Variants in CELF6 observed in about 807,000 individuals in gnomAD.
The protein encoded by CELF6 is Bruno -like 6, RNA binding protein.
In CELF6, 32 loss-of-function variants were observed where a neutral mutation model predicts 53.1. The ratio of observed to expected loss-of-function variants is 0.60; its 90% CI spans 0.46 to 0.81. CELF6 has a LOEUF of 0.81. Ranked by LOEUF, CELF6 falls within the 30% of genes least tolerant of loss-of-function variation. The probability of loss-of-function intolerance (pLI) is 0.00; values close to 1 mark genes in which losing one functional copy is unlikely to be tolerated. For synonymous variants in CELF6, 291 were observed against 288.8 expected (o/e 1.01, Z -0.08); for missense variants, 539 against 669.5 (o/e 0.81, Z 2.15).
intron 3 of CELF6, among the ~76,000 whole-genome samples, chr15:72,297,308 G>A (rs73438493): frequency 0.023 from 3,533 of 151,920 alleles, 135 homozygotes; most frequent in African/African-American, 0.082. Flanking sequence ...CCCCCCTGCC[G>A]CCCCTAACTT....
chr15:72,306,353 C>T (rs1431224235), intron 2 of CELF6: 8 of 952,206 alleles, frequency 8.4e-6, no homozygotes, highest in African/African-American at 1.8e-5. Flanking sequence ...CTGACCCCCT[C>T]CCCTCAGGAA....
rs1206708759 is a variant in CELF6, at chr15:72,285,514, T to C, written c.*857A>G. 3 of 152,244 alleles carry C rather than the reference T, an allele frequency of 2.0e-5. No homozygotes were observed. Among genetic ancestry groups the C allele is most frequent in the African/African-American group, 4.8e-5 (2 of 41,456 alleles). The allele number at this position is 152,244 out of a possible 1,614,324, so 9.4% of individuals were successfully genotyped here. ...AAGGCAGGGCCTCTGTCTACCTGGA[T>C]TGGCAAGGGAAAGGCTCAGGTGGCC... On this transcript the variant is annotated 3_prime_UTR_variant, in exon 13 of 13. Coordinates refer to ENST00000287202, the MANE Select transcript of CELF6 (RefSeq NM_052840.5).
chr15:72,306,554 T>TGA (rs1210638990), intron 2 of CELF6, among the ~76,000 whole-genome samples: 4 of 79,076 alleles, frequency 5.1e-5, no homozygotes, highest in Admixed American at 1.3e-4. Flanking sequence ...GAGGGCTTAC[T>TGA]AAAAAAAAAA....
intron 2 of CELF6, among the ~76,000 whole-genome samples, chr15:72,313,075 T>G (rs1375193195): frequency 2.0e-5 from 3 of 152,088 alleles, no homozygotes; most frequent in Admixed American, 6.6e-5. Flanking sequence ...GATGAAACAG[T>G]GAGAGGGGGA....
chr15:72,311,466 G>C (rs1375379135), intron 2 of CELF6, among the ~76,000 whole-genome samples: 1 of 150,250 alleles, frequency 6.7e-6, no homozygotes, highest in South Asian at 2.1e-4. Context: ...GCAGCGATGC[G>C]ATCTTGGCTC....
At position 72,290,233 on chromosome 15, in the gene CELF6, C is replaced by G. The variant is rs146928966; in HGVS notation, c.417G>C (p.Gly139=). ...CCTCACCCTGCTGCTTGCCCAGCATCCCCACAAACAGCTTTCGGTCCTCTG... is the reference window on the plus strand; with the variant it reads ...CCTCACCCTGCTGCTTGCCCAGCATGCCCACAAACAGCTTTCGGTCCTCTG... ...GRGEDRKLFV[G]MLGKQQGEED... Residue 139 remains glycine, a synonymous_variant, in exon 4 of 13, where the codon GGG becomes GGC. Coordinates refer to ENST00000287202, the MANE Select transcript of CELF6 (RefSeq NM_052840.5). 6.2e-7 allele frequency: 1 copy of G among 1,613,630 alleles called. No individual in the cohort carries two copies. Among genetic ancestry groups the G allele is most frequent in the Non-Finnish European group, 8.5e-7 (1 of 1,179,862 alleles).
At chr15:72,308,055 C>A (rs1281141276) in intron 2 of CELF6, among the ~76,000 whole-genome samples, 1 of 152,114 alleles carries the variant, frequency 6.6e-6, no homozygotes, top group Non-Finnish European at 1.5e-5. Flanking sequence ...TGCTTCCTAG[C>A]AGATAGATGT....
At chr15:72,314,600 T>G (rs950476828) in intron 2 of CELF6, among the ~76,000 whole-genome samples, 3 of 143,638 alleles carry the variant, frequency 2.1e-5, no homozygotes, top group African/African-American at 8.3e-5. Context: ...TTTTTTTTTT[T>G]TTTTTTTTTT....
At chr15:72,314,726 C>G (rs560188750) in intron 2 of CELF6, among the ~76,000 whole-genome samples, 40 of 151,578 alleles carry the variant, frequency 2.6e-4, no homozygotes, top group African/African-American at 9.2e-4. Context: ...TTCCAAGTAG[C>G]TGGGACTACA....
intron 3 of CELF6, chr15:72,292,347 G>A (rs1289908684): frequency 8.3e-6 from 8 of 966,368 alleles, no homozygotes; most frequent in South Asian, 1.6e-5. Flanking sequence ...GGGCTCATTT[G>A]GCCAGAGAAT....
rs539392168 is a variant in CELF6 at position 72,288,118 on chromosome 15, G to A, written c.1318+190C>T. ...CTCCCAAAGTGCTAGGATTACAGGCGTGAGCCACCATGCCCGGCCAAGGCT... is the reference window on the plus strand; with the variant it reads ...CTCCCAAAGTGCTAGGATTACAGGCATGAGCCACCATGCCCGGCCAAGGCT... On this transcript the variant is annotated intron_variant, in intron 11 of 12. Transcript: ENST00000287202. The surrounding 1 kb of genome is among the most constrained non-coding windows in gnomAD (Gnocchi z 4.6). Among the ~76,000 whole-genome samples the A allele has an allele frequency of 5.9e-5, 9 of 152,316 alleles. No individual in the cohort carries two copies. Among genetic ancestry groups the A allele is most frequent in the East Asian group, 5.8e-4 (3 of 5,176 alleles).
At chr15:72,296,145 A>G (rs1238167346) in intron 3 of CELF6, among the ~76,000 whole-genome samples, 1 of 152,218 alleles carries the variant, frequency 6.6e-6, no homozygotes, top group Non-Finnish European at 1.5e-5. Context: ...CAGTCTTTTC[A>G]ACAAATGGGG....
intron 2 of CELF6, among the ~76,000 whole-genome samples, chr15:72,306,757 G>T (rs1436042662): frequency 6.6e-6 from 1 of 151,770 alleles, no homozygotes; most frequent in African/African-American, 2.4e-5. Context: ...ATCAGGGCGA[G>T]CTTGACAGGT....
At chr15:72,316,184 G>A (rs977058835) in intron 1 of CELF6, among the ~76,000 whole-genome samples, 14 of 152,086 alleles carry the variant, frequency 9.2e-5, no homozygotes, top group African/African-American at 3.1e-4. Context: ...CCAGTCACAT[G>A]TGCATACAAT....
intron 3 of CELF6, 141 bp from the exon 4 acceptor site, chr15:72,290,396 G>T: frequency 1.0e-6 from 1 of 1,003,100 alleles, no homozygotes; most frequent in Non-Finnish European, 1.4e-6. Flanking sequence ...TTCCAGGGTT[G>T]GTTTTCATTG....
chr15:72,287,540 G>C (rs2087938555), intron 11 of CELF6, 148 bp from the exon 12 acceptor site: 3 of 867,008 alleles, frequency 3.5e-6, no homozygotes, highest in Non-Finnish European at 5.3e-6. Flanking sequence ...CAGAGTCATA[G>C]GCAGATGGCC....
intron 2 of CELF6, chr15:72,306,409 A>G (rs1040040902): frequency 8.6e-6 from 5 of 584,718 alleles, no homozygotes; most frequent in East Asian, 1.4e-4. Flanking sequence ...TCCCTTACCA[A>G]TTTGCTCGTT....
At chr15:72,305,333 T>A (rs1048302354) in intron 2 of CELF6, among the ~76,000 whole-genome samples, 5 of 152,174 alleles carry the variant, frequency 3.3e-5, no homozygotes, top group African/African-American at 4.8e-5. Flanking sequence ...TTTTCTCCTG[T>A]GTAGCTGAAA....
Position 72,288,869 on chromosome 15 carries a change from T to C in CELF6, c.1092A>G (p.Ala364=). Reference sequence around the variant, plus strand: ...AGGCCGCGTAGCGCCAAGTGAAACCTGCGTAGTGGTGCATCCCAGCGTAGG... The same window carrying C: ...AGGCCGCGTAGCGCCAAGTGAAACCCGCGTAGTGGTGCATCCCAGCGTAGG... ...QQAYAGMHHY[A]AAYPSAYAPV... is the part of the protein sequence containing the mutation. The change falls in exon 9 of 13, where the codon GCA becomes GCG. Residue 364 remains alanine (A), a splice_region_variant and synonymous_variant. Transcript: ENST00000287202. This position sits in a 1 kb window ranked among gnomAD's most constrained non-coding sequence, Gnocchi z 4.6. 1 of 1,550,862 alleles carries C rather than the reference T, an allele frequency of 6.4e-7. No homozygotes were observed. Among genetic ancestry groups the C allele is most frequent in the Non-Finnish European group, 8.7e-7 (1 of 1,146,970 alleles).
Sources: gnomAD v4.1 joint callset for allele counts (sites outside exome capture counted in the v4.1 genomes callset) on GRCh38, gnomAD v4.1.1 for gene constraint, Gnocchi (gnomAD v3.1) non-coding constraint, MANE v1.5 for transcripts, NCBI Gene and HGNC (gene_info 2026-07-23, HGNC 2026-07-21) for gene names.